Variants in RDX observed in about 807,000 individuals in gnomAD.
The protein encoded by RDX is deafness, autosomal recessive 24.
RDX carries 32 observed loss-of-function variants against 83.7 expected under a neutral mutation model. The ratio of observed to expected loss-of-function variants is 0.38; its 90% confidence interval spans 0.29 to 0.51. The LOEUF (loss-of-function observed/expected upper bound fraction) is 0.51, where lower values mean the gene tolerates loss of function less well. RDX is among the 20% of genes least tolerant of loss of function. The probability of loss-of-function intolerance (pLI) is 0.87; values close to 1 mark genes in which losing one functional copy is unlikely to be tolerated. For missense variants in RDX, 600 were observed against 689.9 expected (o/e 0.87, Z 1.46); for synonymous variants, 229 against 222.7 (o/e 1.03, Z -0.25).
Position 110,231,990 on chromosome 11 carries a change from T to C in RDX, c.1631A>G (p.Lys544Arg). 9 of 1,614,144 alleles carry C rather than the reference T, an allele frequency of 5.6e-6. No homozygotes were observed. The highest frequency in any genetic ancestry group is 7.6e-6 in the Non-Finnish European group (9 of 1,179,992). The change falls in exon 14 of 14, where the codon AAA becomes AGA. Residue 544 changes from lysine to arginine, a missense_variant. Physicochemically the swap from Lys to Arg is conservative, Grantham distance 26. Coordinates refer to ENST00000645495, the MANE Select transcript of RDX (RefSeq NM_002906.4). ...AGCATGAAGAACATCATTTTGTGTT[T>C]TCTTGGTTTCATCTCTGGCTTGGGC... ...ELAQARDETK[K>R]TQNDVLHAEN... is the part of the protein sequence containing the mutation.
At chr11:110,265,496 G>C (rs1859998059) in intron 3 of RDX, among the ~76,000 whole-genome samples, 1 of 102,670 alleles carries the variant, frequency 9.7e-6, no homozygotes, top group Non-Finnish European at 2.2e-5. Flanking sequence ...CAAGAGTCTT[G>C]AAAATATATA....
intron 14 of RDX, among the ~76,000 whole-genome samples, chr11:110,211,403 C>T (rs1183981891): frequency 1.7e-4 from 26 of 150,784 alleles, no homozygotes; most frequent in African/African-American, 5.9e-4. Context: ...TAACACCCCA[C>T]TGTCAACATT....
intron 3 of RDX, among the ~76,000 whole-genome samples, chr11:110,265,491 G>A (rs1187929087): frequency 8.1e-6 from 1 of 123,344 alleles, no homozygotes. Context: ...AATAACAAGA[G>A]TCTTGAAAAT....
At chr11:110,272,412 T>C (rs573058103) in intron 3 of RDX, 124 bp downstream of exon 3, 7 of 711,152 alleles carry the variant, frequency 9.8e-6, no homozygotes, top group African/African-American at 8.7e-5. Flanking sequence ...GAATAGCTAC[T>C]ATGAAAAATT....
chr11:110,212,253 T>C lies in RDX; in HGVS notation c.1749-12575A>G, dbSNP rs182078816. Among the ~76,000 whole-genome samples, 427 of 152,288 alleles carry C rather than the reference T, an allele frequency of 2.8e-3. 3 individuals carry two copies. Among genetic ancestry groups the C allele is most frequent in the African/African-American group, 9.9e-3 (411 of 41,564 alleles). On this transcript the variant is annotated intron_variant, in intron 14 of 15. Transcript: ENST00000528498. ...AATCTGGAAGAAATGGATAAATTCC[T>C]GGACACATACATTCTCCCAAGACTA...
intron 3 of RDX, among the ~76,000 whole-genome samples, chr11:110,265,109 G>GTTTTTTTTTTTTT (rs71053876): frequency 1.8e-3 from 160 of 90,648 alleles, no homozygotes; most frequent in Non-Finnish European, 2.6e-3. Context: ...TTTTTTTTTT[G>GTTTTTTTTTTTTT]TTTTTTTTTT....
At chr11:110,284,510 C>T (rs1449677889) in intron 1 of RDX, among the ~76,000 whole-genome samples, 2 of 143,504 alleles carry the variant, frequency 1.4e-5, no homozygotes, top group African/African-American at 5.3e-5. Flanking sequence ...CACAGAAAAA[C>T]ACAGGTATTA....
chr11:110,259,388 T>C (rs764483885), intron 5 of RDX, among the ~76,000 whole-genome samples: 5 of 152,258 alleles, frequency 3.3e-5, no homozygotes, highest in African/African-American at 4.8e-5. Flanking sequence ...TACCAGATCC[T>C]ACTTTACTGA....
chr11:110,184,572 T>G (rs930685453), intron 15 of RDX, among the ~76,000 whole-genome samples: 3 of 152,078 alleles, frequency 2.0e-5, no homozygotes, highest in African/African-American at 7.2e-5. Flanking sequence ...CCCCTTCTGA[T>G]GGGGGTGGGA....
intron 5 of RDX, among the ~76,000 whole-genome samples, chr11:110,260,252 C>T (rs1859749072): frequency 6.6e-6 from 1 of 152,190 alleles, no homozygotes; most frequent in South Asian, 2.1e-4. Context: ...TCCCAAAGTG[C>T]TGGGATTACA....
chr11:110,232,172 T>A (rs1367873816), intron 13 of RDX, 139 bp from the exon 14 acceptor site: 1 of 709,700 alleles, frequency 1.4e-6, no homozygotes. Context: ...TAAGTTTGTT[T>A]TAGTAATAGT....
At chr11:110,221,049 T>G (rs7943647) in intron 14 of RDX, among the ~76,000 whole-genome samples, 59,747 of 151,814 alleles carry the variant, frequency 0.39, 11,974 homozygotes, top group East Asian at 0.61. Flanking sequence ...GGATCAGACC[T>G]CAGTGGCAGC....
downstream of RDX, among the ~76,000 whole-genome samples, chr11:110,228,571 A>G (rs1339786712): frequency 1.3e-5 from 2 of 152,056 alleles, no homozygotes; most frequent in African/African-American, 4.8e-5. Flanking sequence ...TTCCAGCTTT[A>G]ACTTTTAAGA....
chr11:110,220,124 CA>C (rs1864194069), intron 14 of RDX, among the ~76,000 whole-genome samples: 1 of 152,150 alleles, frequency 6.6e-6, no homozygotes, highest in African/African-American at 2.4e-5. Context: ...ACACACTCAA[CA>C]AACATGGGGA....
chr11:110,185,997 G>A (rs1862979997), intron 15 of RDX, among the ~76,000 whole-genome samples: 1 of 152,226 alleles, frequency 6.6e-6, no homozygotes, highest in East Asian at 1.9e-4. Flanking sequence ...GCTGGAGGAG[G>A]GAAGCCCCCC....
chr11:110,243,217 T>TA (rs1565311107), intron 10 of RDX, among the ~76,000 whole-genome samples: 2 of 151,942 alleles, frequency 1.3e-5, no homozygotes, highest in Admixed American at 1.3e-4. Context: ...TCCAAAATTT[T>TA]AAAAAAAGAA....
chr11:110,279,498 C>T (rs1860664879), intron 2 of RDX, among the ~76,000 whole-genome samples, 183 bp downstream of exon 2: 1 of 152,166 alleles, frequency 6.6e-6, no homozygotes, highest in Non-Finnish European at 1.5e-5. Context: ...TGCGCTCCAG[C>T]CTGGGCAACA....
chr11:110,181,326 C>A (rs1862882772), intron 15 of RDX, among the ~76,000 whole-genome samples: 1 of 152,188 alleles, frequency 6.6e-6, no homozygotes, highest in Non-Finnish European at 1.5e-5. Context: ...CCACGCCCAG[C>A]TGATTTTTTG....
At chr11:110,258,611 C>G (rs1859656172) in intron 5 of RDX, among the ~76,000 whole-genome samples, 1 of 152,094 alleles carries the variant, frequency 6.6e-6, no homozygotes, top group African/African-American at 2.4e-5. Flanking sequence ...GGAACCCAAA[C>G]AGTTCAAAGG....
Sources: gnomAD v4.1 joint callset for allele counts (sites outside exome capture counted in the v4.1 genomes callset) on GRCh38, gnomAD v4.1.1 for gene constraint, MANE v1.5 for transcripts, NCBI Gene and HGNC (gene_info 2026-07-23, HGNC 2026-07-21) for gene names.